Variants in GRID1 observed in about 807,000 individuals in gnomAD.
GRID1 encodes the protein glutamate ionotropic receptor delta type subunit 1.
In GRID1, 28 loss-of-function variants were observed where a neutral mutation model predicts 98.0. The ratio of observed to expected loss-of-function variants is 0.29; its 90% CI spans 0.21 to 0.39. GRID1 has a LOEUF of 0.39. Among genes scored for constraint, GRID1 ranks in the 10% least tolerant of loss-of-function variants. GRID1 has a pLI of 1.00. For missense variants in GRID1, 1,111 were observed against 1,340.5 expected, an observed-to-expected ratio of 0.83 and a Z score of 2.67; for synonymous variants, 553 against 538.5, an observed-to-expected ratio of 1.03 and a Z score of -0.37.
chr10:86,145,319 T>G (rs993847731), intron 3 of GRID1, among the ~76,000 whole-genome samples: 4 of 152,142 alleles, frequency 2.6e-5, no homozygotes, highest in African/African-American at 9.7e-5. Context: ...ACCTCCCAGG[T>G]TCAAGTGATT....
chr10:86,049,687 G>A (rs556324365), intron 4 of GRID1, among the ~76,000 whole-genome samples: 2 of 152,286 alleles, frequency 1.3e-5, no homozygotes, highest in South Asian at 4.2e-4. Context: ...AGTGGTTATG[G>A]CTGCATTGCT....
intron 12 of GRID1, among the ~76,000 whole-genome samples, chr10:85,693,608 T>G (rs1460876524): frequency 6.6e-6 from 1 of 151,586 alleles, no homozygotes. Flanking sequence ...TGAAACAGAA[T>G]AGAGAACATG....
intron 4 of GRID1, among the ~76,000 whole-genome samples, chr10:86,026,077 C>A (rs1843112454): frequency 6.6e-6 from 1 of 152,230 alleles, no homozygotes; most frequent in South Asian, 2.1e-4. Flanking sequence ...ACATGCACAA[C>A]ACAAACCCAT....
At chr10:85,957,379 T>A (rs1282757252) in intron 4 of GRID1, among the ~76,000 whole-genome samples, 1 of 152,022 alleles carries the variant, frequency 6.6e-6, no homozygotes, top group Non-Finnish European at 1.5e-5. Context: ...TCCAGCCAGG[T>A]CTTTGGTCCT....
intron 12 of GRID1, among the ~76,000 whole-genome samples, chr10:85,720,476 T>A (rs1841687745): frequency 6.6e-6 from 1 of 152,008 alleles, no homozygotes; most frequent in Admixed American, 6.6e-5. Flanking sequence ...AAAGGGACAA[T>A]CACATATAAC....
chr10:85,758,509 G>A (rs1407884414), intron 8 of GRID1, among the ~76,000 whole-genome samples: 2 of 152,190 alleles, frequency 1.3e-5, no homozygotes, highest in East Asian at 3.8e-4. Flanking sequence ...GAGCCTGGTA[G>A]CTTCAGGGTT....
intron 12 of GRID1, among the ~76,000 whole-genome samples, chr10:85,686,827 A>T (rs1291767599): frequency 1.3e-5 from 2 of 152,076 alleles, no homozygotes; most frequent in Non-Finnish European, 2.9e-5. Flanking sequence ...ACATACAAAG[A>T]TAGTTAATGA....
intron 2 of GRID1, among the ~76,000 whole-genome samples, chr10:86,208,692 C>T (rs1288097872): frequency 1.3e-5 from 2 of 152,204 alleles, no homozygotes; most frequent in Non-Finnish European, 2.9e-5. Flanking sequence ...CTGGCTGGCT[C>T]TCCAACTTGA....
intron 8 of GRID1, among the ~76,000 whole-genome samples, chr10:85,730,819 G>T (rs559928785): frequency 2.0e-5 from 3 of 152,240 alleles, no homozygotes; most frequent in Admixed American, 1.3e-4. Flanking sequence ...TGATTCTGGG[G>T]CCTGAGATTA....
At chr10:86,078,574 C>G (rs1380114949) in intron 4 of GRID1, among the ~76,000 whole-genome samples, 1 of 152,208 alleles carries the variant, frequency 6.6e-6, no homozygotes, top group Non-Finnish European at 1.5e-5. Flanking sequence ...TTCTCAAAAG[C>G]CTTGCTTCCT....
At chr10:86,064,916 G>A (rs2131916147) in intron 4 of GRID1, among the ~76,000 whole-genome samples, 1 of 152,336 alleles carries the variant, frequency 6.6e-6, no homozygotes, top group African/African-American at 2.4e-5. Context: ...TCAGACCCAT[G>A]TGGCATCATA....
chr10:85,829,780 A>T (rs902935598), intron 8 of GRID1, among the ~76,000 whole-genome samples: 13 of 152,176 alleles, frequency 8.5e-5, no homozygotes, highest in Non-Finnish European at 1.6e-4. Flanking sequence ...ATTATAAAAC[A>T]CAACCCAAAG....
intron 8 of GRID1, among the ~76,000 whole-genome samples, chr10:85,805,289 AT>A (rs1842613483): frequency 6.6e-6 from 1 of 151,734 alleles, no homozygotes; most frequent in Non-Finnish European, 1.5e-5. Flanking sequence ...ATAATACTAA[AT>A]TTAATAAGAT....
intron 3 of GRID1, among the ~76,000 whole-genome samples, chr10:86,193,806 T>C (rs1845837541): frequency 6.6e-6 from 1 of 151,848 alleles, no homozygotes; most frequent in African/African-American, 2.4e-5. Flanking sequence ...CAGTGCAGGA[T>C]ACACCAAAGG....
At chr10:86,139,088 G>T (rs2131972282) in intron 3 of GRID1, 64 bp from the exon 4 acceptor site, 5 of 1,122,642 alleles carry the variant, frequency 4.5e-6, no homozygotes, top group Non-Finnish European at 6.7e-6. Flanking sequence ...ACCCGGGAGG[G>T]TGTCTAACTG....
chr10:85,839,560 G>A (rs1842943869), intron 8 of GRID1, among the ~76,000 whole-genome samples: 1 of 152,150 alleles, frequency 6.6e-6, no homozygotes, highest in East Asian at 1.9e-4. Context: ...AAATCAAGAA[G>A]TTATTTGAAG....
At chr10:86,350,645 C>G (rs1164812440) in intron 2 of GRID1, among the ~76,000 whole-genome samples, 1 of 151,902 alleles carries the variant, frequency 6.6e-6, no homozygotes, top group African/African-American at 2.4e-5. Context: ...TGGTAGACAC[C>G]TCTGCCTTTT....
chr10:85,873,081 G>A (rs139952297), intron 5 of GRID1, among the ~76,000 whole-genome samples: 1 of 152,126 alleles, frequency 6.6e-6, no homozygotes, highest in Non-Finnish European at 1.5e-5. Context: ...GGTCCTCCTG[G>A]GTCTCTTGTA....
intron 4 of GRID1, among the ~76,000 whole-genome samples, chr10:85,926,901 T>C (rs1841781605): frequency 6.6e-6 from 1 of 152,224 alleles, no homozygotes; most frequent in South Asian, 2.1e-4. Flanking sequence ...TTCATGGATA[T>C]GAAATGGTAC....
Sources: gnomAD v4.1 joint callset for allele counts (sites outside exome capture counted in the v4.1 genomes callset) on GRCh38, gnomAD v4.1.1 for gene constraint, MANE v1.5 for transcripts, NCBI Gene and HGNC (gene_info 2026-07-23, HGNC 2026-07-21) for gene names.